Variants in ATP2C2 observed in about 807,000 individuals in gnomAD.
ATP2C2 encodes ATPase secretory pathway Ca2+ transporting 2, also known as calcium-transporting ATPase type 2C member 2.
A neutral mutation model predicts 110.8 loss-of-function variants in ATP2C2; 171 were observed. The observed-to-expected ratio is 1.54, with a 90% CI of 1.36 to 1.75. ATP2C2 has a LOEUF of 1.75. ATP2C2 is among the 40% of genes most tolerant of loss of function. ATP2C2 has a pLI of 0.00. For missense variants in ATP2C2, 1,963 were observed against 1,235.0 expected, an observed-to-expected ratio of 1.59 and a Z score of -8.84; for synonymous variants, 804 against 508.4, an observed-to-expected ratio of 1.58 and a Z score of -7.82.
At chr16:84,421,730 C>G (rs1907357520) in intron 7 of ATP2C2, among the ~76,000 whole-genome samples, 1 of 152,186 alleles carries the variant, frequency 6.6e-6, no homozygotes. Flanking sequence ...TTGCCACTAA[C>G]TAGCTACGGA....
chr16:84,411,285 G>A (rs1015412650), intron 6 of ATP2C2, among the ~76,000 whole-genome samples: 3 of 148,808 alleles, frequency 2.0e-5, no homozygotes, highest in South Asian at 2.1e-4. Flanking sequence ...GTTACTGCAC[G>A]GCTCTTACCA....
chr16:84,426,913 A>C (rs1185889592), intron 11 of ATP2C2, among the ~76,000 whole-genome samples: 1 of 152,138 alleles, frequency 6.6e-6, no homozygotes, highest in Non-Finnish European at 1.5e-5. Context: ...TGGCCGAGAC[A>C]GGGAGAGGCA....
intron 1 of ATP2C2, among the ~76,000 whole-genome samples, chr16:84,372,405 C>A (rs114784628): frequency 2.0e-5 from 3 of 152,160 alleles, no homozygotes; most frequent in African/African-American, 7.2e-5. Context: ...AACATGTGGG[C>A]ATCTTCTTAA....
At chr16:84,450,899 C>G (rs1333034141) in intron 17 of ATP2C2, among the ~76,000 whole-genome samples, 2 of 152,114 alleles carry the variant, frequency 1.3e-5, no homozygotes, top group East Asian at 1.9e-4. Context: ...AGGGCAAGAA[C>G]TGTTAGAAAC....
intron 4 of ATP2C2, 75 bp from the exon 5 acceptor site, chr16:84,410,488 ACAAGC>A: frequency 1.4e-6 from 2 of 1,467,306 alleles, no homozygotes; most frequent in Middle Eastern, 2.3e-4. Flanking sequence ...ATCATTAAAG[ACAAGC>A]CCCTAGCCTG....
intron 1 of ATP2C2, among the ~76,000 whole-genome samples, chr16:84,386,523 C>T (rs147769477): frequency 1.2e-4 from 18 of 152,330 alleles, no homozygotes; most frequent in East Asian, 5.8e-4. Context: ...CCTCTTGGCC[C>T]GAATGCACTG....
intron 6 of ATP2C2, 88 bp from the exon 7 acceptor site, chr16:84,415,395 G>C: frequency 8.9e-7 from 1 of 1,117,320 alleles, no homozygotes; most frequent in Non-Finnish European, 1.4e-6. Context: ...AGAAAAGTGT[G>C]TTTCTATTCT....
chr16:84,431,440 G>A (rs1597823356), intron 11 of ATP2C2, among the ~76,000 whole-genome samples: 1 of 152,064 alleles, frequency 6.6e-6, no homozygotes, highest in South Asian at 2.1e-4. Flanking sequence ...AGGTTGCAGT[G>A]AGCCGACATC....
chr16:84,421,845 G>A (rs1429309745), intron 7 of ATP2C2, among the ~76,000 whole-genome samples: 1 of 152,208 alleles, frequency 6.6e-6, no homozygotes, highest in Admixed American at 6.5e-5. Context: ...TGAGGGCTAA[G>A]CCTTGTGGGG....
At chr16:84,386,525 A>T (rs1904328809) in intron 1 of ATP2C2, among the ~76,000 whole-genome samples, 1 of 152,138 alleles carries the variant, frequency 6.6e-6, no homozygotes, top group Non-Finnish European at 1.5e-5. Context: ...TCTTGGCCCG[A>T]ATGCACTGGC....
chr16:84,460,937 A>C, intron 24 of ATP2C2, 136 bp downstream of exon 24: 1 of 1,275,108 alleles, frequency 7.8e-7, no homozygotes, highest in Non-Finnish European at 1.1e-6. Context: ...ATGTGATGCC[A>C]TCAGAGGCGT....
intron 11 of ATP2C2, among the ~76,000 whole-genome samples, chr16:84,428,094 C>T (rs1196548758): frequency 1.3e-5 from 2 of 152,180 alleles, no homozygotes; most frequent in Non-Finnish European, 2.9e-5. Flanking sequence ...CAGTGAATTA[C>T]AGCAGACAAA....
intron 6 of ATP2C2, among the ~76,000 whole-genome samples, chr16:84,411,215 G>A (rs914883197): frequency 6.6e-6 from 1 of 152,112 alleles, no homozygotes; most frequent in Non-Finnish European, 1.5e-5. Context: ...TAGGAAGAGT[G>A]AACTTGAGTA....
At chr16:84,395,350 C>T (rs773336358) in intron 1 of ATP2C2, among the ~76,000 whole-genome samples, 1 of 152,070 alleles carries the variant, frequency 6.6e-6, no homozygotes, top group Non-Finnish European at 1.5e-5. Flanking sequence ...GCTCATTCCC[C>T]AGGGACATGT....
intron 1 of ATP2C2, among the ~76,000 whole-genome samples, chr16:84,396,899 G>A (rs1369146991): frequency 6.6e-6 from 1 of 151,936 alleles, no homozygotes; most frequent in Non-Finnish European, 1.5e-5. Flanking sequence ...GCATGAAACC[G>A]AGGTGGGTAG....
chr16:84,404,670 T>G (rs1905591216), intron 2 of ATP2C2: 2 of 328,252 alleles, frequency 6.1e-6, no homozygotes, highest in Non-Finnish European at 1.2e-5. Flanking sequence ...TGTACAAACA[T>G]CTCTTGGAGC....
intron 7 of ATP2C2, among the ~76,000 whole-genome samples, chr16:84,421,463 T>C (rs2150543311): frequency 6.6e-6 from 1 of 152,358 alleles, no homozygotes; most frequent in African/African-American, 2.4e-5. Context: ...TTGAGAATCA[T>C]TGATCTAGCT....
chr16:84,461,866 C>A, intron 25 of ATP2C2, 54 bp downstream of exon 25: 1 of 1,608,260 alleles, frequency 6.2e-7, no homozygotes, highest in Non-Finnish European at 8.5e-7. Flanking sequence ...TTCTCGACAG[C>A]AGCGCCCCGA....
chr16:84,446,325 C>T lies in ATP2C2; in HGVS notation c.1402-4C>T. 2 of 1,535,310 alleles carry T rather than the reference C, an allele frequency of 1.3e-6. No individual in the cohort carries two copies. The highest frequency in any genetic ancestry group is 2.3e-5 in the East Asian group (1 of 43,728). On this transcript the variant is annotated splice_region_variant and splice_polypyrimidine_tract_variant and intron_variant, in intron 15 of 26. Coordinates refer to ENST00000262429, the MANE Select transcript of ATP2C2 (RefSeq NM_014861.4). ...ACTAAAAATGTGTCATTTTATTATG[C>T]TAGATGGACTTAAGTGATATTAAAA...
Sources: gnomAD v4.1 joint callset for allele counts (sites outside exome capture counted in the v4.1 genomes callset) on GRCh38, gnomAD v4.1.1 for gene constraint, MANE v1.5 for transcripts, NCBI Gene and HGNC (gene_info 2026-07-23, HGNC 2026-07-21) for gene names.